Variants in SLC1A1 observed in about 807,000 individuals in gnomAD.
The protein encoded by SLC1A1 is solute carrier family 1 member 1.
A neutral mutation model predicts 53.3 loss-of-function variants in SLC1A1; 43 were observed. That is an observed-to-expected ratio of 0.81 (90% CI 0.63 to 1.04). SLC1A1 has a LOEUF of 1.04. SLC1A1 is among the 50% of genes least tolerant of loss of function. The pLI is 0.00. For missense variants in SLC1A1, 748 were observed against 664.9 expected (o/e 1.12, Z -1.37); for synonymous variants, 307 against 243.2 (o/e 1.26, Z -2.44).
chr9:4,567,836 C>A (rs1202690775), intron 6 of SLC1A1, 69 bp downstream of exon 6: 2 of 965,386 alleles, frequency 2.1e-6, no homozygotes, highest in South Asian at 1.3e-5. Flanking sequence ...GCAGGAAATA[C>A]AATCAATCCT....
intron 2 of SLC1A1, among the ~76,000 whole-genome samples, chr9:4,557,622 C>G (rs62542091): frequency 6.7e-6 from 1 of 149,766 alleles, no homozygotes; most frequent in African/African-American, 2.5e-5. Flanking sequence ...CTCATCTCTA[C>G]AATTAAAAAA....
At chr9:4,558,301 T>C (rs1304119924) in intron 2 of SLC1A1, among the ~76,000 whole-genome samples, 1 of 152,188 alleles carries the variant, frequency 6.6e-6, no homozygotes, top group East Asian at 1.9e-4. Context: ...CCCATGTTGA[T>C]GACTAGAGAG....
At chr9:4,499,460 T>C (rs1357400263) in intron 1 of SLC1A1, among the ~76,000 whole-genome samples, 3 of 152,336 alleles carry the variant, frequency 2.0e-5, no homozygotes, top group East Asian at 3.9e-4. Flanking sequence ...AACTGGGCTT[T>C]GAATGCTTAT....
At chr9:4,498,895 G>C (rs1483649599) in intron 1 of SLC1A1, among the ~76,000 whole-genome samples, 3 of 145,640 alleles carry the variant, frequency 2.1e-5, no homozygotes, top group Non-Finnish European at 4.5e-5. Context: ...CTCTGTCTCT[G>C]TATATATTAC....
rs1249855852 is a variant in SLC1A1, at chr9:4,562,087, T to C, written c.325+546T>C. Among the ~76,000 whole-genome samples the C allele has an allele frequency of 8.9e-4, 95 of 106,920 alleles. No homozygotes were observed. The East Asian group carries it at 9.2e-3, about 10-fold the overall frequency. 70.1% of individuals were successfully genotyped at this position (106,920 alleles called of 152,430 possible). A position where few individuals can be genotyped will look rare whatever the true frequency, so the allele number is the denominator to read the frequency against. ...CTACTTTTTTTTTTTTTTTTTTTTT[T>C]CAAGAGGGAGTCTCACTCTTGTCAC... On this transcript the variant is annotated intron_variant, in intron 3 of 11. Coordinates refer to ENST00000262352, the MANE Select transcript of SLC1A1 (RefSeq NM_004170.6).
intron 1 of SLC1A1, among the ~76,000 whole-genome samples, chr9:4,541,757 C>G (rs1817030547): frequency 1.3e-5 from 2 of 152,172 alleles, no homozygotes; most frequent in East Asian, 1.9e-4. Context: ...TTTTCACAAT[C>G]TTTACCTTTC....
intron 10 of SLC1A1, among the ~76,000 whole-genome samples, chr9:4,577,092 G>A (rs748274037): frequency 6.6e-6 from 1 of 152,140 alleles, no homozygotes; most frequent in Non-Finnish European, 1.5e-5. Context: ...CCAAATGAAT[G>A]CTGAAGACCA....
chr9:4,559,911 T>C (rs1818770734), intron 2 of SLC1A1: 2 of 152,190 alleles, frequency 1.3e-5, no homozygotes, highest in African/African-American at 4.8e-5. Flanking sequence ...ACTCCGTTTA[T>C]ATGAGCATCT....
rs184839227 is a variant in SLC1A1 at position 4,559,645 on chromosome 9, G to C, written c.233-1804G>C. The stretch of plus-strand genomic sequence containing the variant: ...GGTTTACTGCCTTTCCCTTGGGGTT[G>C]CCTTGTGACAACCTCTTCCTTTTTC... On this transcript the variant is annotated intron_variant, in intron 2 of 11. Coordinates refer to ENST00000262352, the MANE Select transcript of SLC1A1 (RefSeq NM_004170.6). Among the ~76,000 whole-genome samples, 136 of 152,262 alleles carry C rather than the reference G, an allele frequency of 8.9e-4. 3 individuals are homozygous for C. Among genetic ancestry groups the C allele is most frequent in the Admixed American group, 6.3e-3 (97 of 15,284 alleles).
At chr9:4,567,579 C>T (rs577347726) in intron 5 of SLC1A1, 90 bp from the exon 6 acceptor site, 1 of 829,872 alleles carries the variant, frequency 1.2e-6, no homozygotes, top group Admixed American at 2.0e-5. Context: ...CACTGTTTGG[C>T]CAAAATAACA....
intron 1 of SLC1A1, among the ~76,000 whole-genome samples, chr9:4,501,824 G>A (rs1820641790): frequency 6.6e-6 from 1 of 151,616 alleles, no homozygotes; most frequent in South Asian, 2.1e-4. Context: ...AACCAAGGGG[G>A]AAATCCTTAT....
At chr9:4,502,283 G>A (rs1490207041) in intron 1 of SLC1A1, among the ~76,000 whole-genome samples, 2 of 148,838 alleles carry the variant, frequency 1.3e-5, no homozygotes, top group Admixed American at 6.7e-5. Context: ...GCTACTCAGG[G>A]GGCTGAGGTG....
chr9:4,567,434 T>G (rs890600366), intron 5 of SLC1A1, among the ~76,000 whole-genome samples: 2 of 152,176 alleles, frequency 1.3e-5, no homozygotes, highest in Non-Finnish European at 2.9e-5. Context: ...TGAAGGAACA[T>G]TTTGACATAA....
chr9:4,577,514 C>T (rs1483751683), intron 10 of SLC1A1, among the ~76,000 whole-genome samples: 4 of 152,112 alleles, frequency 2.6e-5, no homozygotes, highest in Non-Finnish European at 5.9e-5. Context: ...TTTGCTCTGT[C>T]GCCCAGGCTG....
At chr9:4,543,431 A>C (rs1817185853) in intron 1 of SLC1A1, among the ~76,000 whole-genome samples, 1 of 152,234 alleles carries the variant, frequency 6.6e-6, no homozygotes, top group South Asian at 2.1e-4. Flanking sequence ...GTTAGATGTT[A>C]TTAGAAATAC....
intron 1 of SLC1A1, among the ~76,000 whole-genome samples, chr9:4,514,405 G>A (rs892877080): frequency 1.3e-5 from 2 of 152,148 alleles, no homozygotes; most frequent in Non-Finnish European, 2.9e-5. Context: ...GGGCATGGAA[G>A]GTTCACTAAC....
At position 4,583,853 on chromosome 9, in the gene SLC1A1, T is replaced by TTCTCTCTCTCTCTCTCTCTCTC. The variant is rs373604899; in HGVS notation, c.1328+690_1328+711dup. On this transcript the variant is annotated intron_variant, in intron 11 of 11. Coordinates refer to ENST00000262352, the MANE Select transcript of SLC1A1 (RefSeq NM_004170.6). This position sits in a 1 kb window ranked among gnomAD's most constrained non-coding sequence, Gnocchi z 4.6. ...CCATTCAGGCCCCAATCAACAACACTTCTCTCTCTCTCTCTCTCTCTCTCT... is the reference window on the plus strand; with the variant it reads ...CCATTCAGGCCCCAATCAACAACACTTCTCTCTCTCTCTCTCTCTCTCTCTCTCTCTCTCTCTCTCTCTCTCT... Among the ~76,000 whole-genome samples, 9 of 136,924 alleles carry TTCTCTCTCTCTCTCTCTCTCTC rather than the reference T, an allele frequency of 6.6e-5. No individual in the cohort carries two copies. Among genetic ancestry groups the TTCTCTCTCTCTCTCTCTCTCTC allele is most frequent in the Admixed American group, 3.8e-4 (5 of 13,256 alleles). 89.8% of individuals were successfully genotyped at this position (136,924 alleles called of 152,430 possible). A position where few individuals can be genotyped will look rare whatever the true frequency, so the allele number is the denominator to read the frequency against.
At chr9:4,491,017 C>T (rs896784104) in intron 1 of SLC1A1, among the ~76,000 whole-genome samples, 1 of 152,200 alleles carries the variant, frequency 6.6e-6, no homozygotes, top group African/African-American at 2.4e-5. Context: ...CTGCTCTACC[C>T]AAAATGATCA....
intron 6 of SLC1A1, among the ~76,000 whole-genome samples, chr9:4,569,953 G>A (rs1819867607): frequency 1.3e-5 from 2 of 152,208 alleles, no homozygotes; most frequent in Admixed American, 1.3e-4. Flanking sequence ...GGAAGAATGG[G>A]ATGTTTGGGA....
Sources: allele counts gnomAD v4.1 joint callset (sites outside exome capture counted in the v4.1 genomes callset), GRCh38; gene constraint gnomAD v4.1.1; non-coding constraint Gnocchi (gnomAD v3.1); transcripts MANE v1.5; gene names NCBI Gene and HGNC (gene_info 2026-07-23, HGNC 2026-07-21).